The following TOX variants were observed in gnomAD, a reference collection of about 807,000 sequenced individuals.
TOX encodes thymocyte selection-associated high mobility group box protein TOX.
TOX carries 11 observed loss-of-function variants against 53.7 expected under a neutral mutation model. The ratio of observed to expected loss-of-function variants is 0.20; its 90% CI spans 0.13 to 0.34. The LOEUF (loss-of-function observed/expected upper bound fraction) is 0.34. Among genes scored for constraint, TOX ranks in the 10% least tolerant of loss-of-function variants. TOX has a pLI of 1.00. For synonymous variants in TOX, 225 were observed against 245.3 expected (o/e 0.92, Z 0.77); for missense variants, 570 against 664.6 (o/e 0.86, Z 1.56).
intron 3 of TOX, among the ~76,000 whole-genome samples, chr8:58,907,840 C>T (rs748799490): frequency 5.3e-5 from 8 of 152,134 alleles, no homozygotes; most frequent in Non-Finnish European, 8.8e-5. Flanking sequence ...GTTTCTTGTA[C>T]AGAAAGCCTA....
Position 58,861,496 on chromosome 8 carries a change from G to A in TOX, c.412-9691C>T, listed in dbSNP as rs534731606. ...GGGGCTATGATTTTATATTAAAAGT[G>A]TATCAAACATGCTACTGTTTGCTCA... On this transcript the variant is annotated intron_variant, in intron 3 of 8. Transcript: ENST00000361421. 2.6e-5 allele frequency among the ~76,000 whole-genome samples: 4 copies of A among 152,300 alleles called. No individual in the cohort carries two copies. The East Asian group carries it at 7.7e-4, about 29-fold the overall frequency.
intron 1 of TOX, among the ~76,000 whole-genome samples, chr8:59,084,169 T>A (rs576547870): frequency 6.6e-6 from 1 of 152,178 alleles, no homozygotes; most frequent in African/African-American, 2.4e-5. Context: ...AAAAAGTATA[T>A]ACTTATTTTA....
chr8:59,083,595 A>G (rs1045631763), intron 1 of TOX, among the ~76,000 whole-genome samples: 1 of 152,224 alleles, frequency 6.6e-6, no homozygotes, highest in African/African-American at 2.4e-5. Flanking sequence ...TTATTTCAAC[A>G]GAAAAAAACA....
intron 2 of TOX, among the ~76,000 whole-genome samples, chr8:58,943,144 T>C (rs1485529582): frequency 6.6e-6 from 1 of 152,156 alleles, no homozygotes; most frequent in Non-Finnish European, 1.5e-5. Context: ...TCCTATCCCA[T>C]AGTGACACAG....
intron 1 of TOX, among the ~76,000 whole-genome samples, chr8:59,096,492 T>C (rs1804714194): frequency 6.6e-6 from 1 of 152,232 alleles, no homozygotes; most frequent in Non-Finnish European, 1.5e-5. Flanking sequence ...CAGATTGCCC[T>C]GTAGAATTTT....
intron 1 of TOX, among the ~76,000 whole-genome samples, chr8:59,045,367 T>C (rs1803664010): frequency 6.6e-6 from 1 of 152,212 alleles, no homozygotes; most frequent in South Asian, 2.1e-4. Flanking sequence ...AAAAGATTTT[T>C]CAAAAATGCC....
chr8:58,998,573 A>AATAAATTTATGTAATAAATT (rs1563413646), intron 1 of TOX, among the ~76,000 whole-genome samples: 2,811 of 77,406 alleles, frequency 0.036, 135 homozygotes, highest in African/African-American at 0.067. Flanking sequence ...TAATAAATGT[A>AATAAATTTATGTAATAAATT]TATATAATAA....
At chr8:58,968,799 CA>C (rs1466627846) in intron 1 of TOX, among the ~76,000 whole-genome samples, 4 of 151,778 alleles carry the variant, frequency 2.6e-5, no homozygotes, top group Admixed American at 6.6e-5. Context: ...CAAAACAAAA[CA>C]AAAAATAAGA....
At chr8:58,823,016 T>C (rs1810307648) in intron 6 of TOX, among the ~76,000 whole-genome samples, 1 of 152,212 alleles carries the variant, frequency 6.6e-6, no homozygotes, top group South Asian at 2.1e-4. Flanking sequence ...AGCTACTCTG[T>C]AGACGGATGC....
Position 58,815,341 on chromosome 8 carries a change from C to A in TOX, c.1389G>T (p.Gln463His). ...AGTCCAGAGCCATTGCACTTACTTG[C>A]TGCATGGTGGGTGAGTGTAAGGCAG... is the stretch of plus-strand genomic sequence containing the variant. Reference protein sequence around the residue: ...VQSALHSPTMQQGFTLQPDYQ... With the variant: ...VQSALHSPTMHQGFTLQPDYQ... The change falls in exon 7 of 9, where the codon CAG becomes CAT. Residue 463 changes from glutamine to histidine, a missense_variant. Around this residue, in one of 3 missense-constraint regions of TOX, gnomAD observed 239 missense variants for 250.7 expected, o/e 0.95. Transcript: ENST00000361421. The A allele has an allele frequency of 6.3e-7, 1 of 1,593,254 alleles. No individual in the cohort carries two copies. Among genetic ancestry groups the A allele is most frequent in the Non-Finnish European group, 8.6e-7 (1 of 1,168,942 alleles).
chr8:58,821,340 A>G (rs1361053273), intron 6 of TOX, among the ~76,000 whole-genome samples: 1 of 152,128 alleles, frequency 6.6e-6, no homozygotes, highest in Non-Finnish European at 1.5e-5. Context: ...AAAATTAATA[A>G]TAATACTCAT....
chr8:59,065,981 G>C (rs1350584681), intron 1 of TOX, among the ~76,000 whole-genome samples: 1 of 152,194 alleles, frequency 6.6e-6, no homozygotes, highest in Non-Finnish European at 1.5e-5. Context: ...TCTGAATGCT[G>C]AATTCCTCCA....
intron 1 of TOX, among the ~76,000 whole-genome samples, chr8:59,086,534 A>G (rs1804513045): frequency 6.6e-6 from 1 of 152,214 alleles, no homozygotes; most frequent in Non-Finnish European, 1.5e-5. Flanking sequence ...AGTCACTAAG[A>G]TTAAAAAAGA....
At chr8:59,065,313 G>A (rs1181931583) in intron 1 of TOX, among the ~76,000 whole-genome samples, 1 of 152,160 alleles carries the variant, frequency 6.6e-6, no homozygotes. Context: ...GTAAGAGAAT[G>A]GTTAGAATAA....
intron 6 of TOX, among the ~76,000 whole-genome samples, chr8:58,817,870 A>AT (rs1163754930): frequency 2.0e-5 from 3 of 152,204 alleles, no homozygotes; most frequent in Non-Finnish European, 4.4e-5. Context: ...AAATGTTTTC[A>AT]TTTTTAATTT....
intron 1 of TOX, among the ~76,000 whole-genome samples, chr8:59,010,156 A>T (rs59529590): frequency 0.025 from 3,743 of 152,340 alleles, 60 homozygotes; most frequent in Middle Eastern, 0.088. Flanking sequence ...CAGATGTTAA[A>T]TATTGGGCCA....
chr8:59,053,066 T>C (rs1803822119), intron 1 of TOX, among the ~76,000 whole-genome samples: 1 of 152,200 alleles, frequency 6.6e-6, no homozygotes, highest in Admixed American at 6.5e-5. Flanking sequence ...GAGGATGCCC[T>C]TGACATTTCT....
chr8:59,075,205 G>A (rs1440381381), intron 1 of TOX, among the ~76,000 whole-genome samples: 1 of 152,276 alleles, frequency 6.6e-6, no homozygotes, highest in Admixed American at 6.5e-5. Context: ...TTTGGCTTTG[G>A]AAATGTCGGC....
At chr8:58,932,632 T>G (rs968214438) in intron 3 of TOX, among the ~76,000 whole-genome samples, 22 of 152,292 alleles carry the variant, frequency 1.4e-4, no homozygotes, top group African/African-American at 5.1e-4. Context: ...TGTAATCACA[T>G]TTTCTGCTTG....
Sources: gnomAD v4.1 joint callset for allele counts (sites outside exome capture counted in the v4.1 genomes callset) on GRCh38, gnomAD v4.1.1 for gene constraint, gnomAD v4.1.1 regional missense constraint, MANE v1.5 for transcripts, NCBI Gene and HGNC (gene_info 2026-07-23, HGNC 2026-07-21) for gene names.